The following SLC35D1 variants were observed in gnomAD, a reference collection of about 807,000 sequenced individuals.
The protein encoded by SLC35D1 is solute carrier family 35 member D1.
Under a neutral mutation model 46.7 loss-of-function variants are expected in SLC35D1, and 31 were observed. The ratio of observed to expected loss-of-function variants is 0.66; its 90% CI spans 0.50 to 0.90. SLC35D1 has a LOEUF of 0.90. SLC35D1 is among the 40% of genes least tolerant of loss of function. The pLI, the probability that SLC35D1 is intolerant of heterozygous loss-of-function variation, is 0.00. For missense variants in SLC35D1, 397 were observed against 426.2 expected, an observed-to-expected ratio of 0.93 and a Z score of 0.60; for synonymous variants, 195 against 164.6, an observed-to-expected ratio of 1.18 and a Z score of -1.41.
At position 67,053,988 on chromosome 1, in the gene SLC35D1, T is replaced by A; in HGVS notation, c.26A>T (p.His9Leu). 6.2e-7 allele frequency: 1 copy of A among 1,612,778 alleles called. No homozygotes were observed. The highest frequency in any genetic ancestry group is 8.5e-7 in the Non-Finnish European group (1 of 1,179,312). Residue 9 changes from histidine (H) to leucine (L), a missense_variant, in exon 1 of 12, where the codon CAT becomes CTT. Coordinates refer to ENST00000235345, the MANE Select transcript of SLC35D1 (RefSeq NM_015139.3). ...GGGGGCTTCTCCTTTAACCCGAGCA[T>A]GCTGACGTCTATGAACTTCCGCCAT... MAEVHRRQ[H>L]ARVKGEAPAK...
chr1:67,042,109 A>T, intron 8 of SLC35D1, 127 bp downstream of exon 8: 1 of 884,276 alleles, frequency 1.1e-6, no homozygotes, highest in Non-Finnish European at 1.9e-6. Flanking sequence ...CAATTTAAAG[A>T]GTAAATGCTC....
downstream of SLC35D1, among the ~76,000 whole-genome samples, chr1:66,997,852 C>A (rs1306016420): frequency 3.4e-5 from 5 of 149,016 alleles, no homozygotes; most frequent in Non-Finnish European, 7.4e-5. Flanking sequence ...TCTCCTTAGA[C>A]ATATATATCT....
intron 11 of SLC35D1, chr1:67,008,241 C>T (rs1381486035): frequency 1.3e-5 from 4 of 300,750 alleles, no homozygotes; most frequent in Non-Finnish European, 2.7e-5. Flanking sequence ...TGGGTTCAAG[C>T]GATTCTCCTG....
intron 10 of SLC35D1, among the ~76,000 whole-genome samples, chr1:67,012,162 T>C (rs1667578902): frequency 6.6e-6 from 1 of 152,174 alleles, no homozygotes. Context: ...TAAAGTCTCA[T>C]CTACAAGGGC....
intron 8 of SLC35D1, among the ~76,000 whole-genome samples, chr1:67,039,082 G>C (rs1389445754): frequency 6.6e-6 from 1 of 152,114 alleles, no homozygotes; most frequent in Admixed American, 6.5e-5. Flanking sequence ...GAGCCCCCTT[G>C]TTGGATTCTT....
At chr1:66,973,518 G>A in the SLC35D1 span, among the ~76,000 whole-genome samples, 1 of 151,882 alleles carries the variant, frequency 6.6e-6, no homozygotes, top group Admixed American at 6.6e-5. Flanking sequence ...ATAATTTGAG[G>A]ATTTTATTTA....
the SLC35D1 span, chr1:66,986,086 C>T: frequency 2.9e-6 from 3 of 1,050,496 alleles, no homozygotes; most frequent in South Asian, 3.7e-5. Context: ...TAGATATTGG[C>T]ACACACAAGG....
the SLC35D1 span, chr1:66,981,804 G>A: frequency 2.5e-6 from 4 of 1,613,546 alleles, no homozygotes; most frequent in Non-Finnish European, 1.7e-6. Flanking sequence ...TCTTCTAGAC[G>A]AAAGTGAAAG....
At chr1:67,035,152 G>A (rs564981844) in intron 8 of SLC35D1, among the ~76,000 whole-genome samples, 9 of 152,076 alleles carry the variant, frequency 5.9e-5, no homozygotes, top group Non-Finnish European at 8.8e-5. Context: ...GTGTGCGCGC[G>A]TGTGTGTGTG....
chr1:67,042,112 A>C, intron 8 of SLC35D1, 124 bp downstream of exon 8: 1 of 911,850 alleles, frequency 1.1e-6, no homozygotes, highest in Non-Finnish European at 1.8e-6. Context: ...TTTAAAGAGT[A>C]AATGCTCAGT....
At chr1:66,972,991 A>G in the SLC35D1 span, 3 of 1,563,702 alleles carry the variant, frequency 1.9e-6, no homozygotes, top group African/African-American at 4.1e-5. Context: ...AGGCTAATAA[A>G]GTAAGTAATG....
chr1:67,037,888 G>T (rs916619131), intron 8 of SLC35D1, among the ~76,000 whole-genome samples: 3 of 152,136 alleles, frequency 2.0e-5, no homozygotes, highest in Non-Finnish European at 2.9e-5. Flanking sequence ...AAAGTAAACT[G>T]TTAGGAAACT....
chr1:67,053,004 A>G lies in SLC35D1; in HGVS notation c.204-15T>C. 6.2e-7 allele frequency: 1 copy of G among 1,613,884 alleles called. No homozygotes were observed. The highest frequency in any genetic ancestry group is 8.5e-7 in the Non-Finnish European group (1 of 1,180,034). On this transcript the variant is annotated splice_polypyrimidine_tract_variant and intron_variant, in intron 1 of 11. Transcript: ENST00000235345. ...AGGAGGGAAATCTACAAAAAGGGCA[A>G]AGAAAAAAACAAGATCAGAACAAAC...
chr1:67,020,449 T>G lies in SLC35D1; in HGVS notation c.798-2A>C. ...ACTGTGGCGTACATTAAGATAAACC[T>G]AGAATGAAGAAAGAGGTATAAAATC... On this transcript the variant is annotated splice_acceptor_variant, in intron 9 of 11. Coordinates refer to ENST00000235345, the MANE Select transcript of SLC35D1 (RefSeq NM_015139.3). LOFTEE classifies it high-confidence loss of function. The G allele has an allele frequency of 6.3e-7, 1 of 1,597,236 alleles. No individual in the cohort carries two copies.
chr1:67,048,573 G>C (rs1645274317), intron 6 of SLC35D1, among the ~76,000 whole-genome samples: 1 of 152,140 alleles, frequency 6.6e-6, no homozygotes, highest in African/African-American at 2.4e-5. Flanking sequence ...AACAGGACTG[G>C]ACTGATAATA....
intron 11 of SLC35D1, among the ~76,000 whole-genome samples, chr1:67,005,118 C>T (rs978036231): frequency 2.6e-5 from 4 of 152,144 alleles, no homozygotes; most frequent in Middle Eastern, 3.2e-3. Flanking sequence ...GCCTCCTACC[C>T]GATTCACTAA....
intron 8 of SLC35D1, chr1:67,032,150 T>G (rs1668028971): frequency 3.2e-6 from 3 of 945,918 alleles, no homozygotes; most frequent in Middle Eastern, 5.4e-4. Context: ...TAGGCTTTCC[T>G]TCTGTTTTGA....
At chr1:67,022,003 A>C (rs1558155556) in intron 8 of SLC35D1, among the ~76,000 whole-genome samples, 1 of 152,166 alleles carries the variant, frequency 6.6e-6, no homozygotes, top group Non-Finnish European at 1.5e-5. Context: ...GCTTTCTCAA[A>C]CATTAAAACA....
intron 1 of SLC35D1, among the ~76,000 whole-genome samples, chr1:67,053,521 C>G (rs758837878): frequency 4.2e-4 from 64 of 152,148 alleles, no homozygotes; most frequent in African/African-American, 1.5e-3. Flanking sequence ...TTTGCTCCAT[C>G]TCTCTGAAGG....
Sources: allele counts gnomAD v4.1 joint callset (sites outside exome capture counted in the v4.1 genomes callset), GRCh38; gene constraint gnomAD v4.1.1; transcripts MANE v1.5; gene names NCBI Gene and HGNC (gene_info 2026-07-23, HGNC 2026-07-21).